Variants in FEZF1 observed in about 807,000 individuals in gnomAD.
FEZF1 encodes the protein FEZ family zinc finger 1, also known as fez family zinc finger protein 1.
A neutral mutation model predicts 32.4 loss-of-function variants in FEZF1; 8 were observed. The observed-to-expected ratio is 0.25, with a 90% confidence interval of 0.15 to 0.45. The LOEUF is 0.45. Among genes scored for constraint, FEZF1 ranks in the 20% least tolerant of loss-of-function variants. FEZF1 has a pLI of 1.00. For missense variants in FEZF1, 546 were observed against 622.3 expected, an observed-to-expected ratio of 0.88 and a Z score of 1.31; for synonymous variants, 259 against 265.2, an observed-to-expected ratio of 0.98 and a Z score of 0.23.
At chr7:122,306,075 C>A (rs1308152824), upstream of FEZF1, 1 of 152,288 alleles carries the variant, frequency 6.6e-6, no homozygotes, top group Non-Finnish European at 1.5e-5. Context: ...TCTTGCCAGC[C>A]GGCGATCACG....
rs753092204 is a variant in FEZF1 at position 122,301,967 on chromosome 7, G to C, written c.*30C>G. 6.4e-7 allele frequency: 1 copy of C among 1,552,738 alleles called. No homozygotes were observed. The highest frequency in any genetic ancestry group is 2.1e-5 in the Admixed American group (1 of 47,172). On this transcript the variant is annotated 3_prime_UTR_variant, in exon 4 of 4. Transcript: ENST00000442488. ...TGCCGCTGCCTCAGCGTGGGGGCAC[G>C]GCTGAGGCTGGGAGGACCCTTAGCC...
chr7:122,305,647 A>G (rs1300317710), upstream of FEZF1: 1 of 152,244 alleles, frequency 6.6e-6, no homozygotes, highest in Non-Finnish European at 1.5e-5. Context: ...ACCTGCGCTC[A>G]GCTAGAGCTC....
chr7:122,305,852 C>G (rs1330689082), upstream of FEZF1: 1 of 152,288 alleles, frequency 6.6e-6, no homozygotes, highest in Non-Finnish European at 1.5e-5. Context: ...AAAGAGCGCG[C>G]GTAGAGACCA....
chr7:122,303,496 AG>A, intron 1 of FEZF1, 140 bp downstream of exon 1: 1 of 456,656 alleles, frequency 2.2e-6, no homozygotes. Flanking sequence ...GAAGGAAGGA[AG>A]GAAGGAAGGA....
chr7:122,302,696 C>T lies in FEZF1; in HGVS notation c.1069+103G>A. On this transcript the variant is annotated intron_variant, in intron 3 of 3. Coordinates refer to ENST00000442488, the MANE Select transcript of FEZF1 (RefSeq NM_001024613.4). This position sits in a 1 kb window ranked among gnomAD's most constrained non-coding sequence, Gnocchi z 4.4. The stretch of plus-strand genomic sequence containing the variant: ...GGGAGTTAGAATGGCAACAAAAGTG[C>T]CACATAACTACACTTTAAACATCGT... 7.8e-7 allele frequency: 1 copy of T among 1,275,298 alleles called. No homozygotes were observed. The highest frequency in any genetic ancestry group is 1.1e-6 in the Non-Finnish European group (1 of 891,160). 79.0% of individuals were successfully genotyped at this position (1,275,298 alleles called of 1,614,324 possible).
chr7:122,304,284 G>A lies in FEZF1; in HGVS notation c.154C>T (p.Leu52=), dbSNP rs2031194534. The A allele has an allele frequency of 6.2e-7, 1 of 1,611,912 alleles. No homozygotes were observed. Among genetic ancestry groups the A allele is most frequent in the Non-Finnish European group, 8.5e-7 (1 of 1,178,786 alleles). ...EPKALPVPHF[L]QGALPKGEPK... ...TCCCCCTTGGGTAAGGCTCCCTGCA[G>A]GAAGTGGGGGACTGGCAGGGCCTTG... Residue 52 remains leucine (L), a synonymous_variant, in exon 1 of 4, where the codon CTG becomes TTG. Transcript: ENST00000442488.
rs1563042424 is a variant in FEZF1, at chr7:122,303,626, A to C, written c.801+11T>G. The C allele has an allele frequency of 6.2e-7, 1 of 1,609,226 alleles. No homozygotes were observed. Among genetic ancestry groups the C allele is most frequent in the Admixed American group, 1.7e-5 (1 of 59,520 alleles). ...GGGAAGGAAAGGATCTCCGTTTTGC[A>C]TTGTACTTGCCTTTCCACACACTTC... On this transcript the variant is annotated intron_variant, in intron 1 of 3. Coordinates refer to ENST00000442488, the MANE Select transcript of FEZF1 (RefSeq NM_001024613.4).
Position 122,303,222 on chromosome 7 carries a change from G to A in FEZF1, c.891C>T (p.Phe297=). 6.2e-7 allele frequency: 1 copy of A among 1,614,194 alleles called. No homozygotes were observed. The highest frequency in any genetic ancestry group is 8.5e-7 in the Non-Finnish European group (1 of 1,180,046). ...GCCTGCACAGGGTGCTTGCTTGCCT[G>A]AAACCTTTTCCGCACACTTTGCAAA... is the stretch of plus-strand genomic sequence containing the variant. ...PFVCKVCGKG[F]RQASTLCRHK... The change falls in exon 2 of 4, where the codon TTC becomes TTT. Residue 297 remains phenylalanine, a synonymous_variant. Coordinates refer to ENST00000442488, the MANE Select transcript of FEZF1 (RefSeq NM_001024613.4).
rs143693899 is a variant in FEZF1 at position 122,303,038 on chromosome 7, A to G, written c.937-107T>C. The stretch of plus-strand genomic sequence containing the variant: ...CTTAAACACTTTCAAGCAGAACAAA[A>G]GCAAACAATACATGGCATTCACCCT... On this transcript the variant is annotated intron_variant, in intron 2 of 3. Transcript: ENST00000442488. 7.1e-4 allele frequency: 1,081 copies of G among 1,524,880 alleles called. 6 individuals carry two copies. In the African/African-American group the frequency reaches 0.012, roughly 17 times the overall value. The allele number at this position is 1,524,880 out of a possible 1,614,324, so 94.5% of individuals were successfully genotyped here. A position where few individuals can be genotyped will look rare whatever the true frequency, so the allele number is the denominator to read the frequency against.
chr7:122,307,949 C>A (rs1418791521), upstream of FEZF1, among the ~76,000 whole-genome samples: 1 of 152,114 alleles, frequency 6.6e-6, no homozygotes, highest in Non-Finnish European at 1.5e-5. Flanking sequence ...ACCGTCCAAT[C>A]TGTCTAGTAC....
exon 1 of FEZF1, chr7:122,310,286 C>G (rs1433197683): frequency 6.3e-5 from 6 of 95,128 alleles, no homozygotes; most frequent in Non-Finnish European, 1.0e-4. Context: ...GCCTTGGCGC[C>G]CCCTGCCCCC....
rs2031080228 is a variant in FEZF1 at position 122,302,500 on chromosome 7, C to T, written c.1070-145G>A. 2.3e-6 allele frequency: 3 copies of T among 1,277,670 alleles called. No homozygotes were observed. In the African/African-American group the frequency reaches 4.5e-5, roughly 19 times the overall value. The allele number at this position is 1,277,670 out of a possible 1,614,324, so 79.1% of individuals were successfully genotyped here. ...AGTGCAGGGCTACTATCTGTGCCTG[C>T]ACTTGTCTCCCCAAGTTTATTTTCA... On this transcript the variant is annotated intron_variant, in intron 3 of 3. Coordinates refer to ENST00000442488, the MANE Select transcript of FEZF1 (RefSeq NM_001024613.4). This position sits in a 1 kb window ranked among gnomAD's most constrained non-coding sequence, Gnocchi z 4.4.
At chr7:122,310,391 TAGA>T (rs1563045905) in exon 1 of FEZF1, 1 of 152,252 alleles carries the variant, frequency 6.6e-6, no homozygotes, top group Non-Finnish European at 1.5e-5. Flanking sequence ...GCCATTTGAA[TAGA>T]AGAAGCCCGA....
chr7:122,304,638 C>T lies in FEZF1; in HGVS notation c.-201G>A, dbSNP rs2031212191. On this transcript the variant is annotated 5_prime_UTR_variant, in exon 1 of 4. Transcript: ENST00000442488. ...TGCCAGCCCATCGCAGAGTTCTTGG[C>T]GCACCAATGACTCGGGGACAATCAC... The T allele has an allele frequency of 6.5e-6, 3 of 459,618 alleles. No individual in the cohort carries two copies. Among genetic ancestry groups the T allele is most frequent in the Middle Eastern group, 1.0e-3 (2 of 1,910 alleles). 28.5% of individuals were successfully genotyped at this position (459,618 alleles called of 1,614,324 possible).
Position 122,304,397 on chromosome 7 carries a change from G to A in FEZF1, c.41C>T (p.Ala14Val). The A allele has an allele frequency of 1.9e-6, 3 of 1,583,864 alleles. No homozygotes were observed. The highest frequency in any genetic ancestry group is 2.6e-6 in the Non-Finnish European group (3 of 1,162,012). Residue 14 changes from alanine to valine, a missense_variant, in exon 1 of 4, where the codon GCG becomes GTG. Around this residue, in one of 3 missense-constraint regions of FEZF1, gnomAD observed 345 missense variants for 360.6 expected, o/e 0.96. Transcript: ENST00000442488. ...CATGTTGCCCCGAGCTGGAGCAGTC[G>A]CTAACATTTTGGTAGTCGCGTTGTG... ...SCHNATTKMLATAPARGNMMS... is the reference protein window; with the variant it reads ...SCHNATTKMLVTAPARGNMMS...
chr7:122,304,366 G>A lies in FEZF1; in HGVS notation c.72C>T (p.Ser24=). 6 of 1,605,206 alleles carry A rather than the reference G, an allele frequency of 3.7e-6. No homozygotes were observed. Among genetic ancestry groups the A allele is most frequent in the Non-Finnish European group, 5.1e-6 (6 of 1,173,854 alleles). The change falls in exon 1 of 4, where the codon AGC becomes AGT. Residue 24 remains serine (S), a synonymous_variant. Coordinates refer to ENST00000442488, the MANE Select transcript of FEZF1 (RefSeq NM_001024613.4). ...TGGAGAAAGCCAAGGGTTTGGACGT[G>A]CTCATCATGTTGCCCCGAGCTGGAG... ...ATAPARGNMM[S]TSKPLAFSIE...
upstream of FEZF1, chr7:122,305,352 T>C (rs1340089962): frequency 1.3e-5 from 2 of 152,290 alleles, no homozygotes; most frequent in Admixed American, 6.5e-5. Context: ...CTGGACCATT[T>C]AGAAGACGCC....
rs188460649 is a variant in FEZF1 at position 122,303,328 on chromosome 7, C to T, written c.802-17G>A. 6.3e-4 allele frequency: 1,010 copies of T among 1,613,264 alleles called. 5 individuals carry two copies. The East Asian group carries it at 7.5e-3, about 12-fold the overall frequency. On this transcript the variant is annotated splice_polypyrimidine_tract_variant and intron_variant, in intron 1 of 3. Transcript: ENST00000442488. The stretch of plus-strand genomic sequence containing the variant: ...ATTAAAGACCTTAAAATTAAACACA[C>T]GTAGAACAGGTTAGCCGCACAAGTA...
In FEZF1 at chr7:122,302,382, G is replaced by A; in HGVS notation, c.1070-27C>T. On this transcript the variant is annotated intron_variant, in intron 3 of 3. Coordinates refer to ENST00000442488, the MANE Select transcript of FEZF1 (RefSeq NM_001024613.4). This position sits in a 1 kb window ranked among gnomAD's most constrained non-coding sequence, Gnocchi z 4.4. ...TGAAACACACAAATGACAGGAATAT[G>A]GTTCTGAAAAAAAAAATAGCTTAAA... 5.6e-6 allele frequency: 9 copies of A among 1,608,634 alleles called. No homozygotes were observed. Among genetic ancestry groups the A allele is most frequent in the Non-Finnish European group, 7.6e-6 (9 of 1,179,638 alleles).
Sources: gnomAD v4.1 joint callset for allele counts (sites outside exome capture counted in the v4.1 genomes callset) on GRCh38, gnomAD v4.1.1 for gene constraint, gnomAD v4.1.1 regional missense constraint, Gnocchi (gnomAD v3.1) non-coding constraint, MANE v1.5 for transcripts, NCBI Gene and HGNC (gene_info 2026-07-23, HGNC 2026-07-21) for gene names.